PCDH7: variants seen among roughly 807,000 people sequenced by gnomAD.
The protein encoded by PCDH7 is protocadherin-7.
In PCDH7, 17 loss-of-function variants were observed where a neutral mutation model predicts 58.9. The observed-to-expected ratio is 0.29, with a 90% confidence interval of 0.20 to 0.43. PCDH7 has a LOEUF of 0.43. Ranked by LOEUF, PCDH7 falls within the 20% of genes least tolerant of loss-of-function variation. The probability of loss-of-function intolerance (pLI) is 1.00; values close to 1 mark genes in which losing one functional copy is unlikely to be tolerated. For synonymous variants in PCDH7, 664 were observed against 616.4 expected, an observed-to-expected ratio of 1.08 and a Z score of -1.14; for missense variants, 1,274 against 1,441.0, an observed-to-expected ratio of 0.88 and a Z score of 1.88.
chr4:30,758,941 T>G (rs73213187), intron 1 of PCDH7, among the ~76,000 whole-genome samples: 1 of 24,804 alleles, frequency 4.0e-5, no homozygotes, highest in Non-Finnish European at 7.0e-5. Flanking sequence ...TGAAGAAGTG[T>G]TTTTTTTTTT....
At chr4:30,941,077 T>C (rs988724211) in intron 2 of PCDH7, among the ~76,000 whole-genome samples, 2 of 151,988 alleles carry the variant, frequency 1.3e-5, no homozygotes, top group Admixed American at 6.6e-5. Context: ...ATCTTTTTAG[T>C]TGTACATGAA....
chr4:30,837,682 G>A (rs1257356182), intron 1 of PCDH7, among the ~76,000 whole-genome samples: 1 of 151,810 alleles, frequency 6.6e-6, no homozygotes, highest in Non-Finnish European at 1.5e-5. Context: ...TACCGACAAA[G>A]TTTCATGAAT....
chr4:30,798,699 G>C (rs561731277), intron 1 of PCDH7, among the ~76,000 whole-genome samples: 3 of 152,222 alleles, frequency 2.0e-5, no homozygotes, highest in African/African-American at 7.2e-5. Flanking sequence ...GTTAAGCTAG[G>C]TTCTTAATGA....
At chr4:30,808,917 C>T (rs557530266) in intron 1 of PCDH7, among the ~76,000 whole-genome samples, 21 of 152,236 alleles carry the variant, frequency 1.4e-4, no homozygotes, top group African/African-American at 5.1e-4. Flanking sequence ...CTAATTGCTA[C>T]TATTTGTAAC....
intron 1 of PCDH7, among the ~76,000 whole-genome samples, chr4:30,759,158 T>A (rs6814666): frequency 0.54 from 82,081 of 151,698 alleles, 22,830 homozygotes; most frequent in African/African-American, 0.67. Context: ...GCCAGGCTGG[T>A]CTTGAACTCC....
intron 1 of PCDH7, among the ~76,000 whole-genome samples, chr4:30,809,743 A>C (rs1726735141): frequency 6.6e-6 from 1 of 152,166 alleles, no homozygotes; most frequent in Admixed American, 6.5e-5. Flanking sequence ...TATTCTTTAC[A>C]AGGGACACAG....
intron 3 of PCDH7, among the ~76,000 whole-genome samples, chr4:30,969,027 C>A (rs1032579627): frequency 6.6e-6 from 1 of 152,150 alleles, no homozygotes; most frequent in African/African-American, 2.4e-5. Context: ...ACATTTTGTA[C>A]GTACTCTCGG....
chr4:30,820,368 T>C (rs567095271), intron 1 of PCDH7, among the ~76,000 whole-genome samples: 6 of 152,262 alleles, frequency 3.9e-5, no homozygotes, highest in African/African-American at 1.2e-4. Flanking sequence ...TCTAGGAATA[T>C]GTAGGAAGTG....
chr4:30,984,166 G>A (rs2109114096), intron 3 of PCDH7, among the ~76,000 whole-genome samples: 1 of 152,262 alleles, frequency 6.6e-6, no homozygotes, highest in Non-Finnish European at 1.5e-5. Context: ...GCTATTCTTT[G>A]GGGGTGGTAA....
In PCDH7 at chr4:30,722,939, T is replaced by C; in HGVS notation, c.1517T>C (p.Val506Ala). The C allele has an allele frequency of 2.5e-6, 4 of 1,613,602 alleles. No individual in the cohort carries two copies. Among genetic ancestry groups the C allele is most frequent in the Non-Finnish European group, 3.4e-6 (4 of 1,180,024 alleles). ...ACCCGGGAGTTCAACGTGGTCATCG[T>C]GGCGGTGGACTCAGGCAGCCCCAGC... Residue 506 changes from valine to alanine, a missense_variant, in exon 1 of 2, where the codon GTG becomes GCG. Val to Ala is a moderately conservative substitution (Grantham distance 64, BLOSUM62 0). Coordinates refer to ENST00000361762, the Ensembl canonical transcript of PCDH7. This position sits in a 1 kb window ranked among gnomAD's most constrained non-coding sequence, Gnocchi z 7.6.
chr4:30,758,230 C>G (rs997637701), intron 1 of PCDH7, among the ~76,000 whole-genome samples: 6 of 152,050 alleles, frequency 3.9e-5, no homozygotes, highest in African/African-American at 1.4e-4. Flanking sequence ...ACAGAGAGAA[C>G]AGGAAGATCC....
At chr4:30,887,008 A>G (rs1480439831) in intron 1 of PCDH7, among the ~76,000 whole-genome samples, 1 of 144,918 alleles carries the variant, frequency 6.9e-6, no homozygotes, top group South Asian at 2.4e-4. Context: ...GAGGGATAGC[A>G]TTGGGAGATA....
At chr4:30,926,333 C>T (rs1305509766) in intron 2 of PCDH7, among the ~76,000 whole-genome samples, 1 of 151,694 alleles carries the variant, frequency 6.6e-6, no homozygotes, top group African/African-American at 2.4e-5. Flanking sequence ...TATAGGCGCC[C>T]GCCACCACAC....
Position 30,764,313 on chromosome 4 carries a change from C to T in PCDH7, c.70+39717C>T, listed in dbSNP as rs1437540153. Among the ~76,000 whole-genome samples the T allele has an allele frequency of 5.9e-5, 9 of 152,228 alleles. No homozygotes were observed. The East Asian group carries it at 1.5e-3, about 26-fold the overall frequency. On this transcript the variant is annotated intron_variant, in intron 1 of 3. Coordinates refer to the PCDH7 transcript ENST00000509759. ...CAAGAATTCAGATCAAGGTGCAATG[C>T]GTTTAACCACACAAATGGTTAAACG...
At chr4:30,821,979 T>C (rs564951621) in intron 1 of PCDH7, among the ~76,000 whole-genome samples, 1 of 152,288 alleles carries the variant, frequency 6.6e-6, no homozygotes, top group South Asian at 2.1e-4. Flanking sequence ...AACGGTTGAA[T>C]TAAGAGTGAG....
intron 1 of PCDH7, among the ~76,000 whole-genome samples, chr4:30,838,444 TC>T (rs1730787710): frequency 6.6e-6 from 1 of 152,078 alleles, no homozygotes. Context: ...TCCAGTCAAA[TC>T]CCTTGCCTCG....
rs558108287 is a variant in PCDH7 at position 31,103,670 on chromosome 4, C to T, written c.*8-38803C>T. Among the ~76,000 whole-genome samples the T allele has an allele frequency of 3.3e-5, 5 of 152,144 alleles. No homozygotes were observed. The South Asian group carries it at 8.3e-4, about 25-fold the overall frequency. ...ATGTTGCTCTGATCTTCCTGATTCT[C>T]TCTAGCTGACTGTCACCACTGTCTT... On this transcript the variant is annotated intron_variant, in intron 3 of 3. Transcript: ENST00000509759.
At position 30,894,486 on chromosome 4, in the gene PCDH7, A is replaced by T. The variant is rs1177721165; in HGVS notation, c.71-25667A>T. On this transcript the variant is annotated intron_variant, in intron 1 of 3. Transcript: ENST00000509759. The stretch of plus-strand genomic sequence containing the variant: ...AGGAAAAAAAAAAAAAAAAAAAAAA[A>T]AAAAATATATATATATATATATATA... 6.9e-3 allele frequency among the ~76,000 whole-genome samples: 343 copies of T among 49,830 alleles called. 10 individuals carry two copies. Among genetic ancestry groups the T allele is most frequent in the African/African-American group, 0.023 (315 of 13,788 alleles). The allele number at this position is 49,830 out of a possible 152,430, so 32.7% of individuals were successfully genotyped here.
chr4:30,994,767 A>G (rs1344098715), intron 3 of PCDH7, among the ~76,000 whole-genome samples: 1 of 152,226 alleles, frequency 6.6e-6, no homozygotes, highest in African/African-American at 2.4e-5. Context: ...AAGATACAAT[A>G]TTAAACTTAT....
Sources: allele counts gnomAD v4.1 joint callset (sites outside exome capture counted in the v4.1 genomes callset), GRCh38; gene constraint gnomAD v4.1.1; non-coding constraint Gnocchi (gnomAD v3.1); transcripts MANE v1.5; gene names NCBI Gene and HGNC (gene_info 2026-07-23, HGNC 2026-07-21).